Variants in DCX observed in about 807,000 individuals in gnomAD.
DCX encodes doublecortin, also known as neuronal migration protein doublecortin.
DCX carries 4 observed loss-of-function variants against 20.9 expected under a neutral mutation model. The ratio of observed to expected loss-of-function variants is 0.19; its 90% CI spans 0.09 to 0.44. DCX has a LOEUF of 0.44. Ranked by LOEUF, DCX falls within the 20% of genes least tolerant of loss-of-function variation. The pLI is 0.99. For synonymous variants in DCX, 103 were observed against 111.4 expected (o/e 0.92, Z 0.47); for missense variants, 133 against 296.9 (o/e 0.45, Z 4.06).
chrX:111,306,934 T>C (rs966545997), intron 6 of DCX, among the ~76,000 whole-genome samples: 1 of 111,360 alleles, frequency 9.0e-6, no homozygotes. Flanking sequence ...GAAATGTATA[T>C]GAAATGTTTC....
intron 3 of DCX, among the ~76,000 whole-genome samples, chrX:111,339,827 T>G (rs180698051): frequency 8.9e-6 from 1 of 111,828 alleles, no homozygotes; most frequent in Admixed American, 9.5e-5. Context: ...TTTCCTTATC[T>G]TAAAGAAAAG....
intron 5 of DCX, among the ~76,000 whole-genome samples, chrX:111,328,938 A>G (rs376528707): frequency 9.3e-6 from 1 of 107,793 alleles, no homozygotes; most frequent in South Asian, 4.0e-4. Flanking sequence ...ACTGTGAGAT[A>G]AAAAAAAAAT....
chrX:111,396,825 T>A (rs1927355419), intron 3 of DCX, among the ~76,000 whole-genome samples: 1 of 111,499 alleles, frequency 9.0e-6, no homozygotes, highest in Non-Finnish European at 1.9e-5. Flanking sequence ...TCCATTTTAA[T>A]CCCTGGGAGT....
chrX:111,372,010 A>G (rs762000330), intron 3 of DCX, among the ~76,000 whole-genome samples: 52 of 110,859 alleles, frequency 4.7e-4, no homozygotes, highest in African/African-American at 1.4e-3. Flanking sequence ...ATAGAGTCCA[A>G]ATGAAGCCAT....
At chrX:111,320,865 G>A (rs2095084997) in intron 5 of DCX, among the ~76,000 whole-genome samples, 2 of 107,367 alleles carry the variant, frequency 1.9e-5, no homozygotes, top group Admixed American at 2.0e-4. Context: ...ACACACACAT[G>A]CACACACATG....
chrX:111,387,772 G>C (rs764634459), intron 3 of DCX, among the ~76,000 whole-genome samples: 3 of 111,738 alleles, frequency 2.7e-5, no homozygotes, highest in Non-Finnish European at 5.6e-5. Flanking sequence ...ACAAGTGTGT[G>C]TATGCAGACA....
At chrX:111,374,101 A>G (rs1288791950) in intron 3 of DCX, among the ~76,000 whole-genome samples, 1 of 111,947 alleles carries the variant, frequency 8.9e-6, no homozygotes, top group African/African-American at 3.2e-5. Context: ...TTACACTAAA[A>G]TCTGAGAGTA....
At chrX:111,350,924 G>T (rs1923250118) in intron 3 of DCX, among the ~76,000 whole-genome samples, 1 of 112,047 alleles carries the variant, frequency 8.9e-6, no homozygotes, top group Non-Finnish European at 1.9e-5. Flanking sequence ...AGAGAAGAGG[G>T]AATGAGAACC....
intron 3 of DCX, among the ~76,000 whole-genome samples, chrX:111,361,614 A>G (rs1924216213): frequency 8.9e-6 from 1 of 112,306 alleles, no homozygotes; most frequent in Admixed American, 9.4e-5. Context: ...GGAAAAATAA[A>G]CCAATCCCAA....
At chrX:111,350,934 C>T (rs147109570) in intron 3 of DCX, among the ~76,000 whole-genome samples, 59 of 111,927 alleles carry the variant, frequency 5.3e-4, no homozygotes, top group African/African-American at 1.8e-3. Flanking sequence ...GAATGAGAAC[C>T]AAGTGAAAGG....
intron 3 of DCX, among the ~76,000 whole-genome samples, chrX:111,350,698 C>T (rs1027689818): frequency 4.5e-5 from 5 of 111,921 alleles, no homozygotes; most frequent in African/African-American, 1.3e-4. Flanking sequence ...ACAAGAGCAA[C>T]GATAAGAGGG....
chrX:111,396,493 C>G (rs934499757), intron 3 of DCX, among the ~76,000 whole-genome samples: 1 of 111,811 alleles, frequency 8.9e-6, no homozygotes, highest in Non-Finnish European at 1.9e-5. Context: ...TGAAGACCAG[C>G]TGCACCACTG....
In DCX at chrX:111,325,485, C is replaced by A. The variant is rs902135570; in HGVS notation, c.946+5419G>T. Among the ~76,000 whole-genome samples the A allele has an allele frequency of 2.7e-5, 3 of 111,714 alleles. No individual in the cohort carries two copies. The East Asian group carries it at 8.4e-4, about 31-fold the overall frequency. ...AAAAAAAAAGATAATTATCAATTTC[C>A]AACTTAATTCATAGTGCAATTATGA... On this transcript the variant is annotated intron_variant, in intron 5 of 6. Coordinates refer to ENST00000636035, the MANE Select transcript of DCX (RefSeq NM_001195553.2).
intron 6 of DCX, among the ~76,000 whole-genome samples, chrX:111,310,023 A>G: frequency 8.9e-6 from 1 of 112,653 alleles, no homozygotes; most frequent in South Asian, 3.6e-4. Flanking sequence ...TGCCTGTGAT[A>G]TTAATCTCAA....
At chrX:111,316,775 C>A (rs182626491) in intron 5 of DCX, among the ~76,000 whole-genome samples, 25 of 111,269 alleles carry the variant, frequency 2.2e-4, no homozygotes, top group Admixed American at 6.7e-4. Flanking sequence ...TCCGAGACAC[C>A]AACAACAGCC....
chrX:111,303,700 G>T (rs1044064789), intron 6 of DCX, among the ~76,000 whole-genome samples: 3 of 111,377 alleles, frequency 2.7e-5, no homozygotes, highest in African/African-American at 9.8e-5. Flanking sequence ...GTTTCTTCCA[G>T]CTCTGAGACT....
chrX:111,397,702 T>C (rs1320959990), intron 3 of DCX, among the ~76,000 whole-genome samples: 3 of 112,011 alleles, frequency 2.7e-5, no homozygotes, highest in African/African-American at 9.7e-5. Context: ...TTACGGTAGT[T>C]AGTTCTTAAT....
chrX:111,351,828 A>G (rs1207791170), intron 3 of DCX, among the ~76,000 whole-genome samples: 1 of 112,051 alleles, frequency 8.9e-6, no homozygotes. Context: ...GGCTCAAGCC[A>G]TCCTCCCCAC....
At chrX:111,329,419 A>G (rs1250411826) in intron 5 of DCX, among the ~76,000 whole-genome samples, 3 of 111,778 alleles carry the variant, frequency 2.7e-5, no homozygotes, top group African/African-American at 9.8e-5. Flanking sequence ...TGCACTGATG[A>G]TATGAAAATG....
Sources: allele counts gnomAD v4.1 joint callset (sites outside exome capture counted in the v4.1 genomes callset), GRCh38; gene constraint gnomAD v4.1.1; transcripts MANE v1.5; gene names NCBI Gene and HGNC (gene_info 2026-07-23, HGNC 2026-07-21).